Variants in NPHP4 observed in about 807,000 individuals in gnomAD.
NPHP4 encodes the protein nephrocystin 4.
Under a neutral mutation model 155.8 loss-of-function variants are expected in NPHP4, and 151 were observed. That is an observed-to-expected ratio of 0.97 (90% CI 0.85 to 1.11). The LOEUF is 1.11. Ranked by LOEUF, NPHP4 falls within the 50% of genes least tolerant of loss-of-function variation. NPHP4 has a pLI of 0.00. For missense variants in NPHP4, 1,956 were observed against 1,925.7 expected, an observed-to-expected ratio of 1.02 and a Z score of -0.29; for synonymous variants, 845 against 816.8, an observed-to-expected ratio of 1.03 and a Z score of -0.59.
At chr1:5,888,672 G>A (rs886391066) in intron 17 of NPHP4, 1 of 1,242,452 alleles carries the variant, frequency 8.0e-7, no homozygotes, top group Admixed American at 2.1e-5. Context: ...GCAAGGAAAT[G>A]CGAATGAAAA....
rs147225269 is a variant in NPHP4 at position 5,870,181 on chromosome 1, C to G, written c.3316-2285G>C. On this transcript the variant is annotated intron_variant, in intron 23 of 29. Coordinates refer to ENST00000378156, the MANE Select transcript of NPHP4 (RefSeq NM_015102.5). ...ATAGCTGACACTCCTGAAATGCAAG[C>G]TGAGCCTGGGGCGTCTTGCTGTGCT... is the stretch of plus-strand genomic sequence containing the variant. 1.8e-4 allele frequency among the ~76,000 whole-genome samples: 28 copies of G among 152,314 alleles called. No homozygotes were observed. In the East Asian group the frequency reaches 5.4e-3, roughly 29 times the overall value.
chr1:5,973,486 C>A (rs950003881), intron 3 of NPHP4, among the ~76,000 whole-genome samples: 20 of 152,302 alleles, frequency 1.3e-4, no homozygotes, highest in Admixed American at 1.3e-3. Flanking sequence ...ACTTGGGAGG[C>A]TGAGGAGGGA....
intron 5 of NPHP4, 45 bp downstream of exon 5, chr1:5,967,254 G>A (rs552954080): frequency 6.9e-7 from 1 of 1,458,288 alleles, no homozygotes; most frequent in African/African-American, 1.4e-5. Flanking sequence ...ACTCAGGGAA[G>A]GCACGAGAGC....
At chr1:5,931,979 T>C (rs1646299725) in intron 10 of NPHP4, among the ~76,000 whole-genome samples, 1 of 151,712 alleles carries the variant, frequency 6.6e-6, no homozygotes. Flanking sequence ...GACACTGAGG[T>C]GTGAGGATTG....
rs770478936 is a variant in NPHP4 at position 5,867,082 on chromosome 1, G to C, written c.3506C>G (p.Pro1169Arg). The change falls in exon 25 of 30, where the codon CCA (proline) becomes CGA (arginine). Residue 1169 changes from proline to arginine, a missense_variant. Physicochemically the swap from Pro to Arg is moderately radical, Grantham distance 103 (BLOSUM62 -2). Coordinates refer to ENST00000378156, the MANE Select transcript of NPHP4 (RefSeq NM_015102.5). This position sits in a 1 kb window ranked among gnomAD's most constrained non-coding sequence, Gnocchi z 4.1. Reference sequence around the variant, plus strand: ...CGGGTCGCTGCAGCGAACATGGACTGGGGGGTCCTCACCAAGCATTCCCAC... The same window carrying C: ...CGGGTCGCTGCAGCGAACATGGACTCGGGGGTCCTCACCAAGCATTCCCAC... ...APVGMLGEDP[P>R]VHVRCSDPNV... The C allele has an allele frequency of 3.7e-6, 6 of 1,612,468 alleles. No homozygotes were observed. The highest frequency in any genetic ancestry group is 1.7e-5 in the Admixed American group (1 of 59,892).
chr1:5,944,253 C>A lies in NPHP4; in HGVS notation c.1119+2851G>T, dbSNP rs1194737553. Reference sequence around the variant, plus strand: ...AGCTTCCACCACGCAGGGTCCTCACCAAAGACAAGGAGGAGGACGCTGCAG... The same window carrying A: ...AGCTTCCACCACGCAGGGTCCTCACAAAAGACAAGGAGGAGGACGCTGCAG... On this transcript the variant is annotated intron_variant, in intron 9 of 29. Transcript: ENST00000378156. This position sits in a 1 kb window ranked among gnomAD's most constrained non-coding sequence, Gnocchi z 4.3. Among the ~76,000 whole-genome samples the A allele has an allele frequency of 6.6e-6, 1 of 152,188 alleles. No homozygotes were observed. The highest frequency in any genetic ancestry group is 2.4e-5 in the African/African-American group (1 of 41,434).
chr1:5,991,273 G>C (rs999517651), intron 1 of NPHP4, among the ~76,000 whole-genome samples: 197 of 127,136 alleles, frequency 1.5e-3, no homozygotes, highest in African/African-American at 4.9e-3. Context: ...AGACAAGCTC[G>C]CTACCCCCAT....
At chr1:5,909,342 T>C in intron 11 of NPHP4, 129 bp from the exon 12 acceptor site, 1 of 753,340 alleles carries the variant, frequency 1.3e-6, no homozygotes, top group South Asian at 1.5e-5. Flanking sequence ...GGGCAGCCGC[T>C]GGTTACCGTT....
At chr1:5,917,453 A>G (rs1380882981) in intron 11 of NPHP4, among the ~76,000 whole-genome samples, 1 of 152,100 alleles carries the variant, frequency 6.6e-6, no homozygotes, top group African/African-American at 2.4e-5. Context: ...GAACAGATGG[A>G]GTCTTAATGG....
At chr1:5,974,062 A>C (rs2102313135) in intron 3 of NPHP4, among the ~76,000 whole-genome samples, 1 of 152,388 alleles carries the variant, frequency 6.6e-6, no homozygotes, top group South Asian at 2.1e-4. Flanking sequence ...CAGGCCCTGG[A>C]AGGGCTCGCA....
At chr1:5,979,538 G>GTT (rs761574153) in intron 2 of NPHP4, among the ~76,000 whole-genome samples, 1 of 151,886 alleles carries the variant, frequency 6.6e-6, no homozygotes, top group Non-Finnish European at 1.5e-5. Context: ...TAGTACCTGT[G>GTT]TTTTGTTTTT....
chr1:5,929,781 A>T (rs1215874153), intron 10 of NPHP4, among the ~76,000 whole-genome samples: 2 of 151,768 alleles, frequency 1.3e-5, no homozygotes, highest in South Asian at 4.2e-4. Flanking sequence ...TATTAATATT[A>T]TTTTTCTGGT....
Position 5,890,611 on chromosome 1 carries a change from G to A in NPHP4, c.2304+257C>T, listed in dbSNP as rs1644072212. 6.6e-6 allele frequency among the ~76,000 whole-genome samples: 1 copy of A among 152,102 alleles called. No homozygotes were observed. Among genetic ancestry groups the A allele is most frequent in the Non-Finnish European group, 1.5e-5 (1 of 68,026 alleles). On this transcript the variant is annotated intron_variant, in intron 17 of 29. Transcript: ENST00000378156. This position sits in a 1 kb window ranked among gnomAD's most constrained non-coding sequence, Gnocchi z 4.9. ...ACACTGCCTGGTAGGTCAGTTTGCA[G>A]GAGAAATAGATAACTGAGTTTGATC... is the stretch of plus-strand genomic sequence containing the variant.
Position 5,905,362 on chromosome 1 carries a change from T to G in NPHP4, c.1885A>C (p.Asn629His). 6.2e-7 allele frequency: 1 copy of G among 1,613,972 alleles called. No homozygotes were observed. The highest frequency in any genetic ancestry group is 8.5e-7 in the Non-Finnish European group (1 of 1,179,838). Reference sequence around the variant, plus strand: ...CAATCTGATTCTTCCTTCTGAGGGTTAAACGTCACAGGTTCTGTAGCGCTG... The same window carrying G: ...CAATCTGATTCTTCCTTCTGAGGGTGAAACGTCACAGGTTCTGTAGCGCTG... ...AVSATEPVTF[N>H]PQKEESDCLQ... Residue 629 changes from asparagine (N) to histidine (H), a missense_variant, in exon 15 of 30, where the codon AAC (asparagine) becomes CAC (histidine). Coordinates refer to ENST00000378156, the MANE Select transcript of NPHP4 (RefSeq NM_015102.5). The surrounding 1 kb of genome is among the most constrained non-coding windows in gnomAD (Gnocchi z 4.0).
At position 5,986,269 on chromosome 1, in the gene NPHP4, G is replaced by C. The variant is rs1264528529; in HGVS notation, c.21C>G (p.Ile7Met). 3.1e-6 allele frequency: 5 copies of C among 1,613,836 alleles called. No individual in the cohort carries two copies. The highest frequency in any genetic ancestry group is 4.2e-6 in the Non-Finnish European group (5 of 1,179,844). The change falls in exon 2 of 30, where the codon ATC (isoleucine) becomes ATG (methionine). Residue 7 changes from isoleucine (I) to methionine (M), a missense_variant. Transcript: ENST00000378156. MNDWHR[I>M]FTQNVLVPPH... Reference sequence around the variant, plus strand: ...GAGGGACAAGCACGTTTTGGGTGAAGATCCTGTGCCAGTCGTTCATCCTGC... The same window carrying C: ...GAGGGACAAGCACGTTTTGGGTGAACATCCTGTGCCAGTCGTTCATCCTGC...
intron 5 of NPHP4, among the ~76,000 whole-genome samples, chr1:5,962,632 G>T (rs1650553273): frequency 1.3e-5 from 2 of 152,218 alleles, no homozygotes; most frequent in Non-Finnish European, 2.9e-5. Flanking sequence ...TGGAGTGATG[G>T]CTAAGACCAA....
chr1:5,915,120 C>G (rs1033016973), intron 11 of NPHP4, among the ~76,000 whole-genome samples: 3 of 152,158 alleles, frequency 2.0e-5, no homozygotes, highest in Admixed American at 2.0e-4. Flanking sequence ...GAGAGAAGTC[C>G]TGAGGGAGGA....
chr1:5,873,590 T>C (rs983438997), intron 22 of NPHP4: 4 of 562,560 alleles, frequency 7.1e-6, no homozygotes, highest in Non-Finnish European at 1.3e-5. Flanking sequence ...CCACCTGCAG[T>C]CCTCACAGCC....
intron 9 of NPHP4, among the ~76,000 whole-genome samples, chr1:5,937,606 G>A (rs970941064): frequency 5.3e-5 from 8 of 152,124 alleles, no homozygotes; most frequent in Non-Finnish European, 1.0e-4. Flanking sequence ...GATGGCGGCC[G>A]TTCTCTGGGT....
Sources: gnomAD v4.1 joint callset for allele counts (sites outside exome capture counted in the v4.1 genomes callset) on GRCh38, gnomAD v4.1.1 for gene constraint, Gnocchi (gnomAD v3.1) non-coding constraint, MANE v1.5 for transcripts, NCBI Gene and HGNC (gene_info 2026-07-23, HGNC 2026-07-21) for gene names.